The following LYPLAL1 variants were observed in gnomAD, a reference collection of about 807,000 sequenced individuals.
LYPLAL1 encodes lysophospholipase like 1.
A neutral mutation model predicts 19.7 loss-of-function variants in LYPLAL1; 23 were observed. That is an observed-to-expected ratio of 1.17 (90% CI 0.84 to 1.65). The LOEUF is 1.65. Ranked by LOEUF, LYPLAL1 falls within the 40% of genes most tolerant of loss-of-function variation. LYPLAL1 has a pLI of 0.00. For missense variants in LYPLAL1, 355 were observed against 279.4 expected, an observed-to-expected ratio of 1.27 and a Z score of -1.93; for synonymous variants, 119 against 96.3, an observed-to-expected ratio of 1.24 and a Z score of -1.38.
the LYPLAL1 span, among the ~76,000 whole-genome samples, chr1:219,264,109 C>G: frequency 6.6e-6 from 1 of 152,154 alleles, no homozygotes; most frequent in Admixed American, 6.5e-5. Flanking sequence ...TTTAAAAAAT[C>G]ACTGCTATAC....
the LYPLAL1 span, among the ~76,000 whole-genome samples, chr1:219,373,652 A>G: frequency 3.0e-4 from 46 of 152,282 alleles, no homozygotes; most frequent in African/African-American, 8.9e-4. Flanking sequence ...ACATTTTAAC[A>G]TAACACTTAC....
At chr1:219,255,963 A>G in the LYPLAL1 span, among the ~76,000 whole-genome samples, 1 of 151,724 alleles carries the variant, frequency 6.6e-6, no homozygotes, top group African/African-American at 2.4e-5. Context: ...GCATTACTAG[A>G]TTAGCTTGGT....
At chr1:219,249,156 C>G in the LYPLAL1 span, among the ~76,000 whole-genome samples, 14 of 152,094 alleles carry the variant, frequency 9.2e-5, no homozygotes, top group East Asian at 7.7e-4. Context: ...TACATATACT[C>G]TCAGGCTTCT....
chr1:219,340,759 C>G, the LYPLAL1 span, among the ~76,000 whole-genome samples: 1 of 151,968 alleles, frequency 6.6e-6, no homozygotes, highest in South Asian at 2.1e-4. Flanking sequence ...CTTTATGAGG[C>G]TGAGATGAGA....
the LYPLAL1 span, among the ~76,000 whole-genome samples, chr1:219,288,103 G>A: frequency 8.5e-5 from 13 of 152,188 alleles, no homozygotes; most frequent in Non-Finnish European, 2.9e-5. Flanking sequence ...AAAATCCAGC[G>A]ATCACACCTT....
chr1:219,289,480 A>G, the LYPLAL1 span, among the ~76,000 whole-genome samples: 1 of 152,208 alleles, frequency 6.6e-6, no homozygotes, highest in South Asian at 2.1e-4. Context: ...TAATGATCTT[A>G]CAGATTAATA....
At chr1:219,386,567 A>T in the LYPLAL1 span, among the ~76,000 whole-genome samples, 1 of 152,142 alleles carries the variant, frequency 6.6e-6, no homozygotes, top group Non-Finnish European at 1.5e-5. Context: ...CCTTGGATCA[A>T]CTTGAGGCCT....
the LYPLAL1 span, among the ~76,000 whole-genome samples, chr1:219,278,648 G>T: frequency 6.7e-6 from 1 of 150,362 alleles, no homozygotes; most frequent in Non-Finnish European, 1.5e-5. Flanking sequence ...TCTCAATATT[G>T]AGCAAAACTT....
At chr1:219,216,483 T>C (rs1341765548), downstream of LYPLAL1, among the ~76,000 whole-genome samples, 1 of 152,148 alleles carries the variant, frequency 6.6e-6, no homozygotes, top group Non-Finnish European at 1.5e-5. Flanking sequence ...TCAGGACTAA[T>C]GTTGCCACAC....
At chr1:219,379,282 C>T in the LYPLAL1 span, among the ~76,000 whole-genome samples, 35 of 152,214 alleles carry the variant, frequency 2.3e-4, no homozygotes, top group South Asian at 3.3e-3. Flanking sequence ...AAGGCATAAC[C>T]CAAGAATAAT....
At chr1:219,177,658 TCTC>T (rs948224756) in intron 1 of LYPLAL1, among the ~76,000 whole-genome samples, 2 of 152,188 alleles carry the variant, frequency 1.3e-5, no homozygotes, top group Non-Finnish European at 2.9e-5. Flanking sequence ...CCGTTGCCAA[TCTC>T]TATTAATTTT....
the LYPLAL1 span, among the ~76,000 whole-genome samples, chr1:219,303,314 C>T: frequency 2.6e-5 from 4 of 152,106 alleles, no homozygotes; most frequent in Admixed American, 2.0e-4. Flanking sequence ...CATGGATTAT[C>T]TTATAGTCTA....
chr1:219,257,978 A>G, the LYPLAL1 span, among the ~76,000 whole-genome samples: 4 of 152,080 alleles, frequency 2.6e-5, no homozygotes, highest in African/African-American at 9.6e-5. Flanking sequence ...TTAATTATTA[A>G]TATTACTTGC....
chr1:219,439,996 C>CAT, the LYPLAL1 span, among the ~76,000 whole-genome samples: 1,438 of 47,122 alleles, frequency 0.031, 133 homozygotes, highest in East Asian at 0.34. Flanking sequence ...TATATACACA[C>CAT]ATATATATAT....
At chr1:219,280,679 T>A in the LYPLAL1 span, among the ~76,000 whole-genome samples, 1 of 152,016 alleles carries the variant, frequency 6.6e-6, no homozygotes, top group Non-Finnish European at 1.5e-5. Flanking sequence ...TATGCATTGA[T>A]TTTTTTTGCC....
intron 2 of LYPLAL1, among the ~76,000 whole-genome samples, chr1:219,181,337 CT>C (rs1189809915): frequency 1.3e-5 from 2 of 152,064 alleles, no homozygotes; most frequent in Non-Finnish European, 2.9e-5. Flanking sequence ...TGGTTAGGGG[CT>C]GCCATTTTCT....
chr1:219,246,273 C>T, the LYPLAL1 span, among the ~76,000 whole-genome samples: 1 of 152,070 alleles, frequency 6.6e-6, no homozygotes, highest in Non-Finnish European at 1.5e-5. Context: ...AAATCTTATT[C>T]TCTAGTGATA....
the LYPLAL1 span, among the ~76,000 whole-genome samples, chr1:219,399,551 T>G: frequency 6.6e-6 from 1 of 152,106 alleles, no homozygotes; most frequent in Non-Finnish European, 1.5e-5. Context: ...GGGGATTTGC[T>G]GTGGGGCCCA....
the LYPLAL1 span, chr1:219,271,914 G>C: frequency 6.6e-6 from 1 of 152,338 alleles, no homozygotes; most frequent in Non-Finnish European, 1.5e-5. Flanking sequence ...AAGGCAGTCT[G>C]TGAAAACCAG....
Sources: gnomAD v4.1 joint callset for allele counts (sites outside exome capture counted in the v4.1 genomes callset) on GRCh38, gnomAD v4.1.1 for gene constraint, MANE v1.5 for transcripts, NCBI Gene and HGNC (gene_info 2026-07-23, HGNC 2026-07-21) for gene names.